Variants in TOP2B observed in about 807,000 individuals in gnomAD.
TOP2B encodes DNA topoisomerase II beta.
TOP2B carries 51 observed loss-of-function variants against 193.5 expected under a neutral mutation model. The observed-to-expected ratio is 0.26, with a 90% CI of 0.21 to 0.33. The LOEUF is 0.33. TOP2B is among the 10% of genes least tolerant of loss of function. TOP2B has a pLI of 1.00. For synonymous variants in TOP2B, 634 were observed against 635.7 expected (o/e 1.00, Z 0.04); for missense variants, 1,378 against 1,909.3 (o/e 0.72, Z 5.19).
intron 1 of TOP2B, among the ~76,000 whole-genome samples, chr3:25,649,068 C>T (rs182311486): frequency 5.9e-5 from 9 of 152,276 alleles, no homozygotes; most frequent in Admixed American, 5.9e-4. Context: ...AACATTATTT[C>T]TGGAACTGAA....
chr3:25,629,900 T>G, intron 13 of TOP2B, 129 bp downstream of exon 13: 1 of 1,030,362 alleles, frequency 9.7e-7, no homozygotes, highest in Non-Finnish European at 1.4e-6. Context: ...CGTGGTTTTT[T>G]CATTTTTTCC....
In TOP2B at chr3:25,664,381, A is replaced by G; in HGVS notation, c.-84T>C. 1 of 1,354,796 alleles carries G rather than the reference A, an allele frequency of 7.4e-7. No homozygotes were observed. The allele number at this position is 1,354,796 out of a possible 1,614,324, so 83.9% of individuals were successfully genotyped here. ...GGGCCGCTGGGCCCCGCCGCTCCGC[A>G]CCCACCGCTCCACTCGCCGCACTCC... On this transcript the variant is annotated 5_prime_UTR_variant, in exon 1 of 36. Coordinates refer to ENST00000264331, the MANE Select transcript of TOP2B (RefSeq NM_001330700.2).
Position 25,626,547 on chromosome 3 carries a change from A to T in TOP2B, c.2224+13T>A. On this transcript the variant is annotated intron_variant, in intron 18 of 35. Coordinates refer to ENST00000264331, the MANE Select transcript of TOP2B (RefSeq NM_001330700.2). Reference sequence around the variant, plus strand: ...AATAACATTAAAAAATGAGGTTTTTAAATATTACTCACCATCAACAAGAGA... The same window carrying T: ...AATAACATTAAAAAATGAGGTTTTTTAATATTACTCACCATCAACAAGAGA... 7.2e-7 allele frequency: 1 copy of T among 1,387,916 alleles called. No homozygotes were observed. Among genetic ancestry groups the T allele is most frequent in the Non-Finnish European group, 9.7e-7 (1 of 1,029,112 alleles). 86.0% of individuals were successfully genotyped at this position (1,387,916 alleles called of 1,614,324 possible).
rs369506905 is a variant in TOP2B, at chr3:25,632,770, C to T, written c.1051G>A (p.Val351Ile). 6.2e-7 allele frequency: 1 copy of T among 1,613,106 alleles called. No individual in the cohort carries two copies. The highest frequency in any genetic ancestry group is 2.2e-5 in the East Asian group (1 of 44,822). ...ATCAGTTTACCAACAACTTGATCTACCACATAATCCACGTGCCGTCCACCC... is the reference window on the plus strand; with the variant it reads ...ATCAGTTTACCAACAACTTGATCTATCACATAATCCACGTGCCGTCCACCC... ...TKGGRHVDYV[V>I]DQVVGKLIEV... The change falls in exon 9 of 36, where the codon GTA becomes ATA. Residue 351 changes from valine to isoleucine, a missense_variant. By Grantham distance (29) the Val-to-Ile change is conservative (BLOSUM62 3). This residue lies in a region of TOP2B where 222 missense variants were observed against 306.6 expected (regional missense o/e 0.72). Coordinates refer to ENST00000264331, the MANE Select transcript of TOP2B (RefSeq NM_001330700.2).
chr3:25,655,769 T>C (rs996307194), intron 1 of TOP2B, among the ~76,000 whole-genome samples: 1 of 152,102 alleles, frequency 6.6e-6, no homozygotes, highest in Non-Finnish European at 1.5e-5. Context: ...CTAAACAAAA[T>C]AAGCCAGTCA....
At chr3:25,643,927 C>T in intron 2 of TOP2B, 143 bp from the exon 3 acceptor site, 1 of 562,116 alleles carries the variant, frequency 1.8e-6, no homozygotes, top group Non-Finnish European at 3.1e-6. Context: ...CAGTAATAGT[C>T]AACTTCACTA....
intron 1 of TOP2B, among the ~76,000 whole-genome samples, chr3:25,656,793 A>G (rs890296958): frequency 6.6e-6 from 1 of 152,228 alleles, no homozygotes; most frequent in Non-Finnish European, 1.5e-5. Context: ...GTAGAAATAC[A>G]TGCCACTTTT....
chr3:25,644,475 T>C (rs950630455), intron 2 of TOP2B, among the ~76,000 whole-genome samples: 2 of 151,970 alleles, frequency 1.3e-5, no homozygotes, highest in Non-Finnish European at 1.5e-5. Flanking sequence ...CCAAGGTGGA[T>C]GGATCACCTG....
Position 25,633,950 on chromosome 3 carries a change from G to A in TOP2B, c.917C>T (p.Ala306Val), listed in dbSNP as rs1703031150. ...VKDKLDETGV[A>V]LKVIHELANE... The stretch of plus-strand genomic sequence containing the variant: ...TGCAAGCTCATGAATAACTTTCAGG[G>A]CCACCCCAGTTTCATCCAATTTGTC... Residue 306 changes from alanine (A) to valine (V), a missense_variant, in exon 8 of 36, where the codon GCC becomes GTC. Coordinates refer to ENST00000264331, the MANE Select transcript of TOP2B (RefSeq NM_001330700.2). 4 of 1,612,838 alleles carry A rather than the reference G, an allele frequency of 2.5e-6. No homozygotes were observed. Among genetic ancestry groups the A allele is most frequent in the Non-Finnish European group, 2.5e-6 (3 of 1,179,212 alleles).
chr3:25,650,028 G>GA (rs1018656035), intron 1 of TOP2B, among the ~76,000 whole-genome samples: 14 of 152,172 alleles, frequency 9.2e-5, no homozygotes, highest in African/African-American at 3.1e-4. Context: ...ATTATCAACT[G>GA]AAAAAATTAG....
intron 8 of TOP2B, 79 bp downstream of exon 8, chr3:25,633,762 G>T: frequency 7.9e-7 from 1 of 1,269,846 alleles, no homozygotes; most frequent in African/African-American, 1.5e-5. Flanking sequence ...GGGGGTTGTG[G>T]ATATTGTTAT....
chr3:25,625,601 G>GT (rs2125371665), intron 18 of TOP2B, among the ~76,000 whole-genome samples: 1 of 151,990 alleles, frequency 6.6e-6, no homozygotes, highest in East Asian at 1.9e-4. Context: ...TTTTTTGTTT[G>GT]TTTTTGTTTT....
At position 25,636,109 on chromosome 3, in the gene TOP2B, T is replaced by C; in HGVS notation, c.679A>G (p.Ile227Val). 4 of 1,605,904 alleles carry C rather than the reference T, an allele frequency of 2.5e-6. No individual in the cohort carries two copies. Among genetic ancestry groups the C allele is most frequent in the Non-Finnish European group, 3.4e-6 (4 of 1,175,240 alleles). The change falls in exon 7 of 36, where the codon ATT (isoleucine) becomes GTT (valine). Residue 227 changes from isoleucine (I) to valine (V), a missense_variant. Around this residue, in one of 9 missense-constraint regions of TOP2B, gnomAD observed 222 missense variants for 306.6 expected, o/e 0.72. Transcript: ENST00000264331. ...NNMMKTSEAK[I>V]KHFDGEDYTC... ...TAATCTTCACCATCAAAATGTTTAA[T>C]TTTGGCTTCAGAAGTCTTCATCATA...
At chr3:25,624,929 A>G in intron 18 of TOP2B, 126 bp from the exon 19 acceptor site, 1 of 899,962 alleles carries the variant, frequency 1.1e-6, no homozygotes, top group Non-Finnish European at 1.7e-6. Context: ...AGATTCTGTA[A>G]CAAAGTGAGT....
intron 18 of TOP2B, 150 bp downstream of exon 18, chr3:25,626,410 T>G (rs189423892): frequency 2.4e-6 from 1 of 417,416 alleles, no homozygotes; most frequent in Non-Finnish European, 4.2e-6. Flanking sequence ...AAAAGCAAAA[T>G]CAAAAAGGCC....
chr3:25,598,381 C>A lies in TOP2B; in HGVS notation c.4807G>T (p.Ala1603Ser). ...EPPSLPRTGR[A>S]RKEVKYFAES... ...GCAAAATATTTTACTTCTTTCCTAG[C>A]CCGACCGGTTCGTGGCAGAGAAGGT... The change falls in exon 36 of 36, where the codon GCT becomes TCT. Residue 1603 changes from alanine (A) to serine (S), a missense_variant. Around this residue, in one of 9 missense-constraint regions of TOP2B, gnomAD observed 556 missense variants for 584.2 expected, o/e 0.95. Transcript: ENST00000264331. 1 of 1,613,580 alleles carries A rather than the reference C, an allele frequency of 6.2e-7. No individual in the cohort carries two copies. The highest frequency in any genetic ancestry group is 1.1e-5 in the South Asian group (1 of 91,022).
intron 8 of TOP2B, among the ~76,000 whole-genome samples, 196 bp from the exon 9 acceptor site, chr3:25,632,990 T>C (rs1044983066): frequency 7.9e-5 from 12 of 152,046 alleles, no homozygotes; most frequent in African/African-American, 1.9e-4. Context: ...GTTTGTTTGT[T>C]TGCTTTCCTC....
intron 7 of TOP2B, among the ~76,000 whole-genome samples, chr3:25,634,791 AAAAAAAC>A (rs1234385704): frequency 7.9e-5 from 11 of 138,472 alleles, no homozygotes; most frequent in East Asian, 4.2e-4. Flanking sequence ...AAAAAAAAAA[AAAAAAAC>A]CAAAAAAAGG....
intron 1 of TOP2B, among the ~76,000 whole-genome samples, chr3:25,648,966 AATG>A (rs1276703950): frequency 2.6e-5 from 4 of 152,258 alleles, no homozygotes; most frequent in African/African-American, 9.6e-5. Context: ...TAATGAAATA[AATG>A]AGTACAGATG....
Sources: gnomAD v4.1 joint callset for allele counts (sites outside exome capture counted in the v4.1 genomes callset) on GRCh38, gnomAD v4.1.1 for gene constraint, gnomAD v4.1.1 regional missense constraint, MANE v1.5 for transcripts, NCBI Gene and HGNC (gene_info 2026-07-23, HGNC 2026-07-21) for gene names.